The following ACKR2 variants were observed in gnomAD, a reference collection of about 807,000 sequenced individuals.
ACKR2 encodes the protein C-C chemokine receptor D6.
For missense variants in ACKR2, 457 were observed against 477.3 expected (o/e 0.96, Z 0.40); for synonymous variants, 207 against 192.2 (o/e 1.08, Z -0.64).
At chr3:42,863,877 G>A (rs1243710861) in intron 2 of ACKR2, among the ~76,000 whole-genome samples, 1 of 152,130 alleles carries the variant, frequency 6.6e-6, no homozygotes, top group Non-Finnish European at 1.5e-5. Context: ...GGGGCTAGGG[G>A]AGGGATAACA....
intron 1 of ACKR2, 68 bp from the exon 2 acceptor site, chr3:42,819,563 A>G (rs1411798892): frequency 1.3e-5 from 2 of 152,184 alleles, no homozygotes; most frequent in Non-Finnish European, 2.9e-5. Context: ...ATGATTATGC[A>G]TGTACCTTGG....
chr3:42,853,969 C>T (rs1206963565), intron 2 of ACKR2, among the ~76,000 whole-genome samples: 2 of 152,230 alleles, frequency 1.3e-5, no homozygotes, highest in Non-Finnish European at 2.9e-5. Flanking sequence ...ATCAGCTGCA[C>T]TGTGAACAGT....
chr3:42,843,425 T>C (rs757098074), intron 2 of ACKR2, among the ~76,000 whole-genome samples: 1 of 152,180 alleles, frequency 6.6e-6, no homozygotes, highest in African/African-American at 2.4e-5. Flanking sequence ...ATCCTTTTCA[T>C]TGGTAGTTGG....
intron 2 of ACKR2, among the ~76,000 whole-genome samples, chr3:42,832,807 C>G (rs1700944431): frequency 6.6e-6 from 1 of 152,142 alleles, no homozygotes; most frequent in African/African-American, 2.4e-5. Flanking sequence ...GATTCTCCCA[C>G]CTTAGCCTCC....
chr3:42,855,207 A>G (rs2088300923), intron 2 of ACKR2, among the ~76,000 whole-genome samples: 1 of 152,184 alleles, frequency 6.6e-6, no homozygotes, highest in Non-Finnish European at 1.5e-5. Context: ...TAGGTAGAGC[A>G]GAACAGAGGC....
At chr3:42,827,854 G>A (rs1306672410) in intron 2 of ACKR2, among the ~76,000 whole-genome samples, 2 of 152,006 alleles carry the variant, frequency 1.3e-5, no homozygotes, top group Non-Finnish European at 2.9e-5. Context: ...TCACCCACAG[G>A]GAGACGCCCC....
At chr3:42,836,162 C>T in intron 2 of ACKR2, among the ~76,000 whole-genome samples, 1 of 152,128 alleles carries the variant, frequency 6.6e-6, no homozygotes, top group East Asian at 1.9e-4. Context: ...ATTTTCCAAA[C>T]ATATATATAA....
chr3:42,865,808 G>T lies in ACKR2; in HGVS notation c.*151G>T. The T allele has an allele frequency of 4.9e-6, 3 of 606,998 alleles. No individual in the cohort carries two copies. Among genetic ancestry groups the T allele is most frequent in the Non-Finnish European group, 5.8e-6 (2 of 347,092 alleles). The allele number at this position is 606,998 out of a possible 1,614,324, so 37.6% of individuals were successfully genotyped here. On this transcript the variant is annotated 3_prime_UTR_variant, in exon 3 of 3. Coordinates refer to ENST00000422265, the MANE Select transcript of ACKR2 (RefSeq NM_001296.5). ...GCCATCAGCAGCATTTGCTCGCCCCGCCTTCTTCCTCCACTTTCTTCACTT... is the reference window on the plus strand; with the variant it reads ...GCCATCAGCAGCATTTGCTCGCCCCTCCTTCTTCCTCCACTTTCTTCACTT...
intron 2 of ACKR2, among the ~76,000 whole-genome samples, chr3:42,853,197 G>T (rs1292260443): frequency 3.9e-5 from 6 of 152,146 alleles, no homozygotes; most frequent in Non-Finnish European, 8.8e-5. Flanking sequence ...AGGAAGGGGT[G>T]CACACAGGCT....
chr3:42,829,047 G>A (rs1700902195), intron 2 of ACKR2, among the ~76,000 whole-genome samples: 1 of 152,136 alleles, frequency 6.6e-6, no homozygotes, highest in African/African-American at 2.4e-5. Context: ...AGTTAGAAAA[G>A]GAACAGAGCA....
At chr3:42,859,582 C>T (rs1030484541) in intron 2 of ACKR2, among the ~76,000 whole-genome samples, 8 of 152,004 alleles carry the variant, frequency 5.3e-5, no homozygotes, top group African/African-American at 9.7e-5. Context: ...GGGGTTTCAC[C>T]GTGTTAGCCA....
At chr3:42,839,043 A>C (rs750556537) in intron 2 of ACKR2, 1 of 152,238 alleles carries the variant, frequency 6.6e-6, no homozygotes, top group Non-Finnish European at 1.5e-5. Flanking sequence ...ACAGCTTTCA[A>C]GCCCCATCAC....
At chr3:42,862,431 C>T (rs1248742933) in intron 2 of ACKR2, among the ~76,000 whole-genome samples, 3 of 152,166 alleles carry the variant, frequency 2.0e-5, no homozygotes, top group African/African-American at 7.2e-5. Context: ...AATGGCCATA[C>T]TGCCCAAAGT....
chr3:42,828,763 G>A (rs1428589440), intron 2 of ACKR2, among the ~76,000 whole-genome samples: 1 of 152,222 alleles, frequency 6.6e-6, no homozygotes, highest in Non-Finnish European at 1.5e-5. Flanking sequence ...GTGTGATGAA[G>A]AAGGTTATCA....
chr3:42,819,591 G>A (rs1002433646), intron 1 of ACKR2, 40 bp from the exon 2 acceptor site: 7 of 152,346 alleles, frequency 4.6e-5, no homozygotes, highest in African/African-American at 1.4e-4. Context: ...CCCCCCTGGC[G>A]GCAGAACCTC....
At chr3:42,821,069 AGAGAC>A (rs1330559526) in intron 2 of ACKR2, among the ~76,000 whole-genome samples, 1 of 152,058 alleles carries the variant, frequency 6.6e-6, no homozygotes, top group Non-Finnish European at 1.5e-5. Flanking sequence ...AATTTTTAGT[AGAGAC>A]GAGGTTTCAC....
intron 2 of ACKR2, among the ~76,000 whole-genome samples, chr3:42,828,895 C>T (rs1700900826): frequency 1.3e-5 from 2 of 151,934 alleles, no homozygotes; most frequent in African/African-American, 4.8e-5. Context: ...AAGAGCAGGC[C>T]CATAGTTGTA....
intron 2 of ACKR2, among the ~76,000 whole-genome samples, chr3:42,826,657 AG>A (rs1700868441): frequency 6.6e-6 from 1 of 151,960 alleles, no homozygotes; most frequent in Non-Finnish European, 1.5e-5. Context: ...AAAGTTTGTC[AG>A]TTTTGCTGAT....
At chr3:42,848,214 T>TA (rs5848633) in intron 2 of ACKR2, among the ~76,000 whole-genome samples, 4 of 57,352 alleles carry the variant, frequency 7.0e-5, no homozygotes. Flanking sequence ...AAAAAAAAAA[T>TA]TTTTTTTTTT....
Sources: allele counts gnomAD v4.1 joint callset (sites outside exome capture counted in the v4.1 genomes callset), GRCh38; gene constraint gnomAD v4.1.1; transcripts MANE v1.5; gene names NCBI Gene and HGNC (gene_info 2026-07-23, HGNC 2026-07-21).